The following RIPOR2 variants were observed in gnomAD, a reference collection of about 807,000 sequenced individuals.
RIPOR2 encodes rho family-interacting cell polarization regulator 2.
RIPOR2 carries 39 observed loss-of-function variants against 114.5 expected under a neutral mutation model. That is an observed-to-expected ratio of 0.34 (90% CI 0.26 to 0.44). The LOEUF (loss-of-function observed/expected upper bound fraction) is 0.44, where lower values mean the gene tolerates loss of function less well. Among genes scored for constraint, RIPOR2 ranks in the 20% least tolerant of loss-of-function variants. The pLI is 1.00. For missense variants in RIPOR2, 1,007 were observed against 1,255.1 expected (o/e 0.80, Z 2.99); for synonymous variants, 445 against 484.4 (o/e 0.92, Z 1.07).
At chr6:24,957,223 G>C (rs375785649) in intron 1 of RIPOR2, among the ~76,000 whole-genome samples, 1 of 151,826 alleles carries the variant, frequency 6.6e-6, no homozygotes, top group Admixed American at 6.6e-5. Context: ...GACGTGTAAC[G>C]ACTCTTTTTA....
intron 1 of RIPOR2, chr6:24,877,397 G>A (rs576463381): frequency 6.1e-6 from 6 of 978,458 alleles, no homozygotes; most frequent in East Asian, 1.1e-4. Context: ...TATGGCAATC[G>A]GCTTGCTCTT....
chr6:25,032,683 A>G (rs1271636839), intron 1 of RIPOR2, among the ~76,000 whole-genome samples: 2 of 152,214 alleles, frequency 1.3e-5, no homozygotes, highest in African/African-American at 2.4e-5. Flanking sequence ...TCAGGCCTCC[A>G]TAAGTAAGTA....
At chr6:24,878,044 T>A (rs1765974168) in intron 1 of RIPOR2, among the ~76,000 whole-genome samples, 1 of 152,056 alleles carries the variant, frequency 6.6e-6, no homozygotes, top group Non-Finnish European at 1.5e-5. Flanking sequence ...AACTACTGAT[T>A]AGGACTGGTG....
chr6:24,805,642 T>C lies in RIPOR2; in HGVS notation c.*731A>G, dbSNP rs1357902782. On this transcript the variant is annotated 3_prime_UTR_variant, in exon 22 of 22. Coordinates refer to ENST00000643898, the MANE Select transcript of RIPOR2 (RefSeq NM_001286445.3). ...TGTATTGAAAGTAAAGTTAGGTAGC[T>C]AAGGGGACTACTCAACCCTGAGAAC... The C allele has an allele frequency of 6.6e-6, 1 of 152,182 alleles. No individual in the cohort carries two copies. The highest frequency in any genetic ancestry group is 1.5e-5 in the Non-Finnish European group (1 of 68,034). The allele number at this position is 152,182 out of a possible 1,614,324, so 9.4% of individuals were successfully genotyped here. A position where few individuals can be genotyped will look rare whatever the true frequency, so the allele number is the denominator to read the frequency against.
At chr6:24,937,655 T>A, upstream of RIPOR2, among the ~76,000 whole-genome samples, 1 of 152,168 alleles carries the variant, frequency 6.6e-6, no homozygotes, top group East Asian at 1.9e-4. Flanking sequence ...ATTTTGATAA[T>A]CACTACATTT....
intron 1 of RIPOR2, among the ~76,000 whole-genome samples, chr6:24,970,174 C>T (rs903832386): frequency 2.7e-5 from 4 of 150,770 alleles, no homozygotes; most frequent in Admixed American, 2.6e-4. Flanking sequence ...AAAAAAAGGA[C>T]CAATTGTCAG....
At chr6:25,002,800 G>A (rs575035324) in intron 1 of RIPOR2, among the ~76,000 whole-genome samples, 2 of 152,324 alleles carry the variant, frequency 1.3e-5, no homozygotes, top group African/African-American at 2.4e-5. Context: ...GTGGCAGTCC[G>A]AGGTGAATGA....
intron 1 of RIPOR2, among the ~76,000 whole-genome samples, chr6:24,962,650 A>G (rs1022188633): frequency 6.6e-6 from 1 of 151,764 alleles, no homozygotes; most frequent in African/African-American, 2.4e-5. Context: ...TTTTTTTAGT[A>G]TGGTAAGGTT....
At chr6:24,808,321 C>T (rs1383762057) in intron 21 of RIPOR2, among the ~76,000 whole-genome samples, 8 of 152,162 alleles carry the variant, frequency 5.3e-5, no homozygotes, top group Non-Finnish European at 8.8e-5. Flanking sequence ...GCTTTATAAG[C>T]GCCTGGCTTA....
Position 24,805,201 on chromosome 6 carries a change from T to C in RIPOR2, c.*1172A>G, listed in dbSNP as rs1484420778. The stretch of plus-strand genomic sequence containing the variant: ...TTGTCTTAGCAGCAAAACACCCCTA[T>C]GGTAAGAATATCATAAAAAATAGCT... On this transcript the variant is annotated 3_prime_UTR_variant, in exon 22 of 22. Transcript: ENST00000643898. 1 of 151,410 alleles carries C rather than the reference T, an allele frequency of 6.6e-6. No individual in the cohort carries two copies. The highest frequency in any genetic ancestry group is 6.6e-5 in the Admixed American group (1 of 15,176). The allele number at this position is 151,410 out of a possible 1,614,324, so 9.4% of individuals were successfully genotyped here.
chr6:24,995,800 AT>A (rs35560241), intron 1 of RIPOR2, among the ~76,000 whole-genome samples: 2,728 of 136,678 alleles, frequency 0.02, 34 homozygotes, highest in African/African-American at 0.055. Flanking sequence ...AACTAGAGTG[AT>A]TTTTTTTTTT....
intron 14 of RIPOR2, chr6:24,836,186 C>G (rs1415543537): frequency 3.3e-6 from 1 of 302,186 alleles, no homozygotes; most frequent in South Asian, 4.4e-5. Flanking sequence ...TTGCACTTTC[C>G]TGCTCTGTTG....
intron 1 of RIPOR2, among the ~76,000 whole-genome samples, chr6:25,040,358 TG>T (rs1315991799): frequency 2.0e-5 from 3 of 152,002 alleles, no homozygotes; most frequent in Non-Finnish European, 2.9e-5. Flanking sequence ...TCAGGTGATC[TG>T]CCCAACTCGG....
intron 7 of RIPOR2, among the ~76,000 whole-genome samples, chr6:24,861,768 C>G (rs1336069001): frequency 6.6e-6 from 1 of 152,228 alleles, no homozygotes; most frequent in East Asian, 1.9e-4. Context: ...CTATCACTTA[C>G]TGTCAAATGA....
chr6:24,810,292 T>C (rs62401976), intron 20 of RIPOR2, among the ~76,000 whole-genome samples: 47,040 of 152,008 alleles, frequency 0.31, 8,124 homozygotes, highest in East Asian at 0.68. Flanking sequence ...ATCAGCTAAA[T>C]TCCTCATTCC....
chr6:24,910,348 G>T (rs1245520031), intron 1 of RIPOR2, among the ~76,000 whole-genome samples: 1 of 152,194 alleles, frequency 6.6e-6, no homozygotes, highest in Admixed American at 6.5e-5. Context: ...GGCAAATGAA[G>T]ACCCTTGAGA....
intron 1 of RIPOR2, among the ~76,000 whole-genome samples, chr6:24,926,721 A>G (rs915487597): frequency 6.6e-6 from 1 of 152,136 alleles, no homozygotes; most frequent in African/African-American, 2.4e-5. Flanking sequence ...AGCTGAGAAA[A>G]TCGCCGTTAC....
chr6:24,884,985 G>T lies in RIPOR2; in HGVS notation c.62-9168C>A, dbSNP rs535656282. 2.0e-4 allele frequency among the ~76,000 whole-genome samples: 31 copies of T among 152,116 alleles called. No individual in the cohort carries two copies. The South Asian group carries it at 5.8e-3, about 29-fold the overall frequency. On this transcript the variant is annotated intron_variant, in intron 1 of 21. Coordinates refer to ENST00000643898, the MANE Select transcript of RIPOR2 (RefSeq NM_001286445.3). ...AAAGTGATATGATAATTTTCTTTCC[G>T]TGTTTTCTAAGACTCCATCAATCAA...
chr6:25,022,605 G>T (rs1776388529), intron 1 of RIPOR2, among the ~76,000 whole-genome samples: 1 of 114,092 alleles, frequency 8.8e-6, no homozygotes, highest in African/African-American at 3.2e-5. Context: ...GCTGGAGTGG[G>T]TTGTGTTCAT....
Sources: allele counts gnomAD v4.1 joint callset (sites outside exome capture counted in the v4.1 genomes callset), GRCh38; gene constraint gnomAD v4.1.1; transcripts MANE v1.5; gene names NCBI Gene and HGNC (gene_info 2026-07-23, HGNC 2026-07-21).